Variants in CELF2 observed in about 807,000 individuals in gnomAD.
CELF2 encodes the protein CUG triplet repeat RNA-binding protein 2.
Under a neutral mutation model 62.6 loss-of-function variants are expected in CELF2, and 8 were observed. That is an observed-to-expected ratio of 0.13 (90% CI 0.07 to 0.23). CELF2 has a LOEUF of 0.23. CELF2 is among the 10% of genes least tolerant of loss of function. The pLI, the probability that CELF2 is intolerant of heterozygous loss-of-function variation, is 1.00. For missense variants in CELF2, 333 were observed against 671.0 expected (o/e 0.50, Z 5.56); for synonymous variants, 258 against 250.0 (o/e 1.03, Z -0.30).
At chr10:10,645,891 C>T in the CELF2 span, among the ~76,000 whole-genome samples, 2 of 152,196 alleles carry the variant, frequency 1.3e-5, no homozygotes, top group African/African-American at 4.8e-5. Flanking sequence ...GAAAGCATGA[C>T]ATAGGGTAAC....
chr10:11,225,290 C>T (rs2066127782), intron 3 of CELF2, among the ~76,000 whole-genome samples: 1 of 152,168 alleles, frequency 6.6e-6, no homozygotes, highest in Non-Finnish European at 1.5e-5. Flanking sequence ...CCCATTAACA[C>T]TCAAAACACA....
chr10:11,034,843 C>G (rs1327702313), intron 1 of CELF2, among the ~76,000 whole-genome samples: 1 of 152,122 alleles, frequency 6.6e-6, no homozygotes, highest in Non-Finnish European at 1.5e-5. Flanking sequence ...GATTGGGAAT[C>G]TTGAGAACAA....
chr10:11,097,170 T>C (rs895851241), intron 1 of CELF2: 1 of 152,228 alleles, frequency 6.6e-6, no homozygotes, highest in Non-Finnish European at 1.5e-5. Flanking sequence ...TTCCCATAAG[T>C]ATCCCAACAA....
intron 1 of CELF2, among the ~76,000 whole-genome samples, chr10:10,911,532 TG>T (rs1218473708): frequency 6.6e-6 from 1 of 152,214 alleles, no homozygotes; most frequent in African/African-American, 2.4e-5. Context: ...TCCTATCAGA[TG>T]GAAGTGGCTC....
chr10:10,846,932 C>G (rs10905844), intron 1 of CELF2, among the ~76,000 whole-genome samples: 10,192 of 152,128 alleles, frequency 0.067, 471 homozygotes, highest in East Asian at 0.21. Flanking sequence ...GTTTGTAATG[C>G]CTTCTTGCAA....
chr10:10,921,439 T>A (rs978238357), intron 2 of CELF2, among the ~76,000 whole-genome samples: 2 of 151,658 alleles, frequency 1.3e-5, no homozygotes, highest in East Asian at 3.9e-4. Flanking sequence ...CAGCTAACTT[T>A]TGTATTTTTA....
At chr10:11,265,444 G>C (rs2081941577) in intron 5 of CELF2, among the ~76,000 whole-genome samples, 1 of 152,210 alleles carries the variant, frequency 6.6e-6, no homozygotes, top group African/African-American at 2.4e-5. Flanking sequence ...GGCTAAAGAA[G>C]CTGAAAATCA....
chr10:10,668,163 A>G, the CELF2 span, among the ~76,000 whole-genome samples: 1 of 152,224 alleles, frequency 6.6e-6, no homozygotes. Flanking sequence ...AATATAATTG[A>G]CATACAATAA....
chr10:10,597,264 A>G, the CELF2 span, among the ~76,000 whole-genome samples: 3 of 152,356 alleles, frequency 2.0e-5, no homozygotes, highest in South Asian at 2.1e-4. Flanking sequence ...TAAATTAAGC[A>G]TCTTGGAATC....
chr10:11,056,165 A>T (rs1048247823), intron 1 of CELF2, among the ~76,000 whole-genome samples: 2 of 152,220 alleles, frequency 1.3e-5, no homozygotes, highest in African/African-American at 4.8e-5. Context: ...ATGGGACCCT[A>T]TATTCCACAA....
At position 11,159,782 on chromosome 10, in the gene CELF2, T is replaced by C. The variant is rs1266232452; in HGVS notation, c.75-5704T>C. On this transcript the variant is annotated intron_variant, in intron 1 of 12. Transcript: ENST00000633077. The surrounding 1 kb of genome is among the most constrained non-coding windows in gnomAD (Gnocchi z 5.0). ...CAGCTGAGTCTTGGACAGTTTCCTG[T>C]AATAACCAAACAAAGCCTGTTTCTT... Among the ~76,000 whole-genome samples, 1 of 152,254 alleles carries C rather than the reference T, an allele frequency of 6.6e-6. No homozygotes were observed. The highest frequency in any genetic ancestry group is 1.5e-5 in the Non-Finnish European group (1 of 68,046).
intron 1 of CELF2, among the ~76,000 whole-genome samples, chr10:10,813,633 G>A (rs1449413630): frequency 6.6e-6 from 1 of 152,138 alleles, no homozygotes; most frequent in Non-Finnish European, 1.5e-5. Context: ...TCCAAACCTG[G>A]GATGCTTTTC....
intron 1 of CELF2, among the ~76,000 whole-genome samples, chr10:10,898,533 T>A (rs2062721262): frequency 6.6e-6 from 1 of 152,200 alleles, no homozygotes; most frequent in Admixed American, 6.5e-5. Flanking sequence ...GAGAGGGTCA[T>A]CTGATAATCA....
the CELF2 span, among the ~76,000 whole-genome samples, chr10:10,680,596 G>T: frequency 6.6e-6 from 1 of 152,154 alleles, no homozygotes; most frequent in African/African-American, 2.4e-5. Flanking sequence ...ACATAAACAC[G>T]TTGACTATAT....
intron 5 of CELF2, among the ~76,000 whole-genome samples, chr10:11,261,834 G>A (rs75978264): frequency 6.6e-6 from 1 of 152,344 alleles, no homozygotes; most frequent in East Asian, 1.9e-4. Context: ...CAATTCACAT[G>A]AGGTGTTTGC....
intron 3 of CELF2, among the ~76,000 whole-genome samples, chr10:11,245,064 T>C (rs1424980655): frequency 1.3e-5 from 2 of 152,202 alleles, no homozygotes; most frequent in Non-Finnish European, 2.9e-5. Context: ...ATCTAACATA[T>C]AGTGTCTGGT....
Position 11,319,057 on chromosome 10 carries a change from C to T in CELF2, c.1097-2132C>T, listed in dbSNP as rs201374072. The T allele has an allele frequency of 6.5e-4, 307 of 470,676 alleles. No individual in the cohort carries two copies. Among genetic ancestry groups the T allele is most frequent in the Non-Finnish European group, 7.8e-4 (177 of 227,066 alleles). The allele number at this position is 470,676 out of a possible 1,614,324, so 29.2% of individuals were successfully genotyped here. Reference sequence around the variant, plus strand: ...AGGCCCCACATGGCTCTGCAGGCTGCGAGGCACACCCAGAACCTCATGCCT... The same window carrying T: ...AGGCCCCACATGGCTCTGCAGGCTGTGAGGCACACCCAGAACCTCATGCCT... On this transcript the variant is annotated intron_variant, in intron 10 of 12. Coordinates refer to ENST00000633077, the MANE Select transcript of CELF2 (RefSeq NM_001326342.2). The surrounding 1 kb of genome is among the most constrained non-coding windows in gnomAD (Gnocchi z 4.4).
chr10:11,125,477 A>C (rs768593594), intron 1 of CELF2, among the ~76,000 whole-genome samples: 6 of 152,180 alleles, frequency 3.9e-5, no homozygotes, highest in Non-Finnish European at 8.8e-5. Context: ...ACAAGCAACC[A>C]GTGGCTCAGA....
chr10:10,915,724 G>A (rs1053783769), intron 1 of CELF2, among the ~76,000 whole-genome samples: 2 of 152,118 alleles, frequency 1.3e-5, no homozygotes, highest in Admixed American at 6.5e-5. Context: ...TGTAAGCCAC[G>A]GCACCCGGCC....
Sources: allele counts gnomAD v4.1 joint callset (sites outside exome capture counted in the v4.1 genomes callset), GRCh38; gene constraint gnomAD v4.1.1; non-coding constraint Gnocchi (gnomAD v3.1); transcripts MANE v1.5; gene names NCBI Gene and HGNC (gene_info 2026-07-23, HGNC 2026-07-21).